SCN2A: variants seen among roughly 807,000 people sequenced by gnomAD.
SCN2A encodes sodium channel protein type 2 subunit alpha.
SCN2A carries 20 observed loss-of-function variants against 188.7 expected under a neutral mutation model. The ratio of observed to expected loss-of-function variants is 0.11; its 90% confidence interval spans 0.07 to 0.15. The LOEUF (loss-of-function observed/expected upper bound fraction) is 0.15, where lower values mean the gene tolerates loss of function less well. Ranked by LOEUF, SCN2A falls within the 10% of genes least tolerant of loss-of-function variation. The probability of loss-of-function intolerance (pLI) is 1.00; values close to 1 mark genes in which losing one functional copy is unlikely to be tolerated. For missense variants in SCN2A, 1,278 were observed against 2,445.0 expected, an observed-to-expected ratio of 0.52 and a Z score of 10.07; for synonymous variants, 804 against 833.1, an observed-to-expected ratio of 0.97 and a Z score of 0.60.
intron 1 of SCN2A, among the ~76,000 whole-genome samples, chr2:165,280,888 TACAGAG>T (rs1695556432): frequency 6.6e-6 from 1 of 152,170 alleles, no homozygotes; most frequent in Non-Finnish European, 1.5e-5. Context: ...CATTGCAATG[TACAGAG>T]ACAAATAATA....
chr2:165,333,006 T>A (rs903090039), intron 14 of SCN2A, among the ~76,000 whole-genome samples: 1 of 151,918 alleles, frequency 6.6e-6, no homozygotes, highest in African/African-American at 2.4e-5. Context: ...GTACAGAAAG[T>A]TTGTGCCTCC....
intron 14 of SCN2A, among the ~76,000 whole-genome samples, chr2:165,332,965 A>G (rs942386467): frequency 6.6e-6 from 1 of 151,994 alleles, no homozygotes; most frequent in African/African-American, 2.4e-5. Flanking sequence ...CCAAGATTCT[A>G]TCAACTTTTA....
At chr2:165,253,155 T>C (rs1392009905) in intron 1 of SCN2A, among the ~76,000 whole-genome samples, 2 of 152,130 alleles carry the variant, frequency 1.3e-5, no homozygotes, top group Non-Finnish European at 2.9e-5. Context: ...TATTATTTCA[T>C]CTACATAAAC....
At chr2:165,350,001 C>T (rs1699802198) in intron 16 of SCN2A, among the ~76,000 whole-genome samples, 1 of 152,172 alleles carries the variant, frequency 6.6e-6, no homozygotes, top group Non-Finnish European at 1.5e-5. Context: ...GATGGGACTG[C>T]CAGCCTAGTC....
chr2:165,326,125 T>C (rs887818692), intron 12 of SCN2A, among the ~76,000 whole-genome samples: 2 of 152,096 alleles, frequency 1.3e-5, no homozygotes, highest in African/African-American at 4.8e-5. Context: ...TAGGAATAAA[T>C]TTCCACCCAT....
At chr2:165,360,256 A>C (rs1700394424) in intron 17 of SCN2A, among the ~76,000 whole-genome samples, 1 of 151,926 alleles carries the variant, frequency 6.6e-6, no homozygotes, top group South Asian at 2.1e-4. Context: ...TTCTGTTGTG[A>C]TTCATTATTT....
chr2:165,371,529 T>C (rs1701024467), intron 20 of SCN2A: 1 of 152,086 alleles, frequency 6.6e-6, no homozygotes, highest in Non-Finnish European at 1.5e-5. Context: ...GAGTGTGAGC[T>C]GGAGCTTGAG....
chr2:165,357,259 G>A lies in SCN2A; in HGVS notation c.3399+2588G>A, dbSNP rs528175897. ...ATTTCAGACACTCGCATTTGAAATA[G>A]CATTTCTTGCCTGCCTTCTAGTCAT... On this transcript the variant is annotated intron_variant, in intron 17 of 26. Transcript: ENST00000375437. Among the ~76,000 whole-genome samples, 131 of 152,232 alleles carry A rather than the reference G, an allele frequency of 8.6e-4. 1 individual carries two copies. The highest frequency in any genetic ancestry group is 1.3e-3 in the Non-Finnish European group (87 of 68,010).
At chr2:165,280,325 T>A (rs1039517338) in intron 1 of SCN2A, among the ~76,000 whole-genome samples, 3 of 152,134 alleles carry the variant, frequency 2.0e-5, no homozygotes, top group Non-Finnish European at 2.9e-5. Context: ...GCACTAGCGA[T>A]AGAGTAAAAA....
intron 1 of SCN2A, among the ~76,000 whole-genome samples, chr2:165,249,106 T>G (rs1004519944): frequency 2.6e-5 from 4 of 152,192 alleles, no homozygotes; most frequent in Non-Finnish European, 4.4e-5. Context: ...GTTCTTTGTT[T>G]GCTTGTTCAT....
chr2:165,311,932 T>C (rs948098014), intron 7 of SCN2A, 93 bp from the exon 8 acceptor site: 4 of 783,262 alleles, frequency 5.1e-6, no homozygotes, highest in Non-Finnish European at 6.7e-6. Context: ...TCATTATGAT[T>C]GAAAACATTT....
rs951039077 is a variant in SCN2A, at chr2:165,391,321, T to C, written c.*1497T>C. On this transcript the variant is annotated 3_prime_UTR_variant, in exon 27 of 27. Transcript: ENST00000375437. ...CCGACTGTACAAACATGTTGCAAGC[T>C]GCTTAAATCTGTTTAAAATATATGG... The C allele has an allele frequency of 1.3e-5, 2 of 152,564 alleles. No individual in the cohort carries two copies. Among genetic ancestry groups the C allele is most frequent in the Non-Finnish European group, 2.9e-5 (2 of 68,002 alleles). The allele number at this position is 152,564 out of a possible 1,614,324, so 9.5% of individuals were successfully genotyped here. A position where few individuals can be genotyped will look rare whatever the true frequency, so the allele number is the denominator to read the frequency against.
chr2:165,314,986 AC>A (rs1697654044), intron 10 of SCN2A, among the ~76,000 whole-genome samples: 1 of 152,186 alleles, frequency 6.6e-6, no homozygotes, highest in Admixed American at 6.5e-5. Flanking sequence ...TTAGTGAAAT[AC>A]CCAATTTAAA....
At chr2:165,313,864 T>C in intron 9 of SCN2A, 38 bp from the exon 10 acceptor site, 2 of 1,611,612 alleles carry the variant, frequency 1.2e-6, no homozygotes, top group Non-Finnish European at 1.7e-6. Context: ...TGTAACATCC[T>C]ATATAAAATT....
intron 13 of SCN2A, chr2:165,328,216 G>A (rs886648300): frequency 1.3e-5 from 2 of 152,564 alleles, no homozygotes; most frequent in African/African-American, 2.4e-5. Context: ...AGACGACTGT[G>A]TACATCACAG....
chr2:165,291,672 A>G (rs755686999), intron 1 of SCN2A, among the ~76,000 whole-genome samples: 6 of 148,102 alleles, frequency 4.1e-5, no homozygotes, highest in Non-Finnish European at 7.4e-5. Context: ...GCAGCCTCAA[A>G]TGCCTGGTCT....
At chr2:165,320,584 G>A (rs1266376854) in intron 11 of SCN2A, among the ~76,000 whole-genome samples, 2 of 152,196 alleles carry the variant, frequency 1.3e-5, no homozygotes, top group Non-Finnish European at 2.9e-5. Context: ...TACATCCTCT[G>A]AAATCTAGGC....
At position 165,323,175 on chromosome 2, in the gene SCN2A, G is replaced by A. The variant is rs977679654; in HGVS notation, c.1691G>A (p.Gly564Asp). The A allele has an allele frequency of 3.1e-6, 5 of 1,613,898 alleles. No individual in the cohort carries two copies. The highest frequency in any genetic ancestry group is 2.7e-5 in the African/African-American group (2 of 74,852). ...TCATAGTCCTTACTGAGCATCCGTG[G>A]CTCCCTTTTCTCTCCAAGACGCAAC... is the stretch of plus-strand genomic sequence containing the variant. Reference protein sequence around the residue: ...SPHQSLLSIRGSLFSPRRNSR... With the variant: ...SPHQSLLSIRDSLFSPRRNSR... The change falls in exon 12 of 27, where the codon GGC (glycine) becomes GAC (aspartate). Residue 564 changes from glycine to aspartate, a missense_variant. Transcript: ENST00000375437.
At chr2:165,286,006 A>G (rs1252902111) in intron 1 of SCN2A, 1 of 201,314 alleles carries the variant, frequency 5.0e-6, no homozygotes, top group Non-Finnish European at 1.1e-5. Flanking sequence ...ACTTCGTGAT[A>G]TCCGATGAAA....
Sources: gnomAD v4.1 joint callset for allele counts (sites outside exome capture counted in the v4.1 genomes callset) on GRCh38, gnomAD v4.1.1 for gene constraint, MANE v1.5 for transcripts, NCBI Gene and HGNC (gene_info 2026-07-23, HGNC 2026-07-21) for gene names.